Variants in FTSJ3 observed in about 807,000 individuals in gnomAD.
The protein encoded by FTSJ3 is FtsJ RNA 2'-O-methyltransferase 3.
Under a neutral mutation model 111.5 loss-of-function variants are expected in FTSJ3, and 46 were observed. That is an observed-to-expected ratio of 0.41 (90% CI 0.33 to 0.53). The LOEUF (loss-of-function observed/expected upper bound fraction) is 0.53, where lower values mean the gene tolerates loss of function less well. FTSJ3 is among the 20% of genes least tolerant of loss of function. The pLI, the probability that FTSJ3 is intolerant of heterozygous loss-of-function variation, is 0.19. For synonymous variants in FTSJ3, 408 were observed against 383.0 expected (o/e 1.07, Z -0.76); for missense variants, 1,075 against 1,063.8 (o/e 1.01, Z -0.15).
chr17:63,826,415 G>T, intron 3 of FTSJ3, 111 bp from the exon 4 acceptor site: 2 of 1,198,478 alleles, frequency 1.7e-6, no homozygotes, highest in Non-Finnish European at 2.5e-6. Flanking sequence ...TCATAGGCAC[G>T]TATTCCAAGC....
intron 13 of FTSJ3, among the ~76,000 whole-genome samples, chr17:63,822,433 C>T (rs1482830634): frequency 6.6e-6 from 1 of 152,146 alleles, no homozygotes; most frequent in African/African-American, 2.4e-5. Context: ...GTACCTACAG[C>T]CCACATAGCA....
Position 63,826,913 on chromosome 17 carries a change from G to T in FTSJ3, c.-11C>A. 13 of 1,611,830 alleles carry T rather than the reference G, an allele frequency of 8.1e-6. No homozygotes were observed. The highest frequency in any genetic ancestry group is 1.1e-5 in the Non-Finnish European group (13 of 1,177,984). The stretch of plus-strand genomic sequence containing the variant: ...GCCCTTCTTGCCCATGGTGGAAAGG[G>T]GGAGTATCCCTCAATCTGGGGAGAA... On this transcript the variant is annotated 5_prime_UTR_variant, in exon 2 of 21. Coordinates refer to ENST00000427159, the MANE Select transcript of FTSJ3 (RefSeq NM_017647.4).
rs889722732 is a variant in FTSJ3, at chr17:63,826,154, G to C, written c.221-19C>G. On this transcript the variant is annotated intron_variant, in intron 4 of 20. Transcript: ENST00000427159. ...TCCACTCCTGGAAGAAATCAGGTCA[G>C]AGTATTCTAAAAGGTTGCTTCAAGC... is the stretch of plus-strand genomic sequence containing the variant. 3.7e-6 allele frequency: 6 copies of C among 1,613,120 alleles called. No homozygotes were observed. The highest frequency in any genetic ancestry group is 2.7e-5 in the African/African-American group (2 of 74,908).
In FTSJ3 at chr17:63,826,547, CT is replaced by C; in HGVS notation, c.173+19del. The C allele has an allele frequency of 6.3e-7, 1 of 1,595,058 alleles. No individual in the cohort carries two copies. The highest frequency in any genetic ancestry group is 8.6e-7 in the Non-Finnish European group (1 of 1,163,148). ...CCAGAAAGCGGCCACCAGGAGCAACCTGTGGCGAGTGTTACGAACCATCCCC... is the reference window on the plus strand; with the variant it reads ...CCAGAAAGCGGCCACCAGGAGCAACCGTGGCGAGTGTTACGAACCATCCCC... On this transcript the variant is annotated intron_variant, in intron 3 of 20. Transcript: ENST00000427159.
chr17:63,822,544 C>A (rs2040061416), intron 13 of FTSJ3, among the ~76,000 whole-genome samples: 1 of 152,224 alleles, frequency 6.6e-6, no homozygotes, highest in Admixed American at 6.5e-5. Flanking sequence ...CAGTTTGTTT[C>A]CACTGAATAA....
Position 63,824,854 on chromosome 17 carries a change from G to T in FTSJ3, c.787C>A (p.Pro263Thr). 6.2e-7 allele frequency: 1 copy of T among 1,606,044 alleles called. No homozygotes were observed. Among genetic ancestry groups the T allele is most frequent in the East Asian group, 2.2e-5 (1 of 44,838 alleles). The change falls in exon 9 of 21, where the codon CCT becomes ACT. Residue 263 changes from proline to threonine, a missense_variant. Pro to Thr is a conservative substitution (Grantham distance 38). Around this residue, in one of 2 missense-constraint regions of FTSJ3, gnomAD observed 867 missense variants for 796.9 expected, o/e 1.09. Coordinates refer to ENST00000427159, the MANE Select transcript of FTSJ3 (RefSeq NM_017647.4). ...SVTDFLRAAN[P>T]VDFLSKASEI... ...CTGGCCTTGGAGAGGAAGTCAACAGGGTTGGCAGCTCGGAGGAAGTCAGTG... is the reference window on the plus strand; with the variant it reads ...CTGGCCTTGGAGAGGAAGTCAACAGTGTTGGCAGCTCGGAGGAAGTCAGTG...
In FTSJ3 at chr17:63,821,093, T is replaced by G; in HGVS notation, c.1909A>C (p.Lys637Gln). The G allele has an allele frequency of 1.9e-6, 3 of 1,614,136 alleles. No homozygotes were observed. Among genetic ancestry groups the G allele is most frequent in the South Asian group, 1.1e-5 (1 of 91,076 alleles). The change falls in exon 17 of 21, where the codon AAG (lysine) becomes CAG (glutamine). Residue 637 changes from lysine (K) to glutamine (Q), a missense_variant. Physicochemically the swap from Lys to Gln is moderately conservative, Grantham distance 53. Around this residue, in one of 2 missense-constraint regions of FTSJ3, gnomAD observed 867 missense variants for 796.9 expected, o/e 1.09. Coordinates refer to ENST00000427159, the MANE Select transcript of FTSJ3 (RefSeq NM_017647.4). The stretch of plus-strand genomic sequence containing the variant: ...TCTGACTTAGGCCCACGGCTTCGCT[T>G]CTTACCACGGAGGGGTTCCCAGCTG... ...EESWEPLRGK[K>Q]RSRGPKSDDD...
chr17:63,823,742 T>G, intron 13 of FTSJ3, 75 bp downstream of exon 13: 1 of 1,535,348 alleles, frequency 6.5e-7, no homozygotes, highest in East Asian at 2.3e-5. Flanking sequence ...TAAAAAGACA[T>G]TCAACACCCC....
rs1386758275 is a variant in FTSJ3, at chr17:63,824,952, C to T, written c.712-23G>A. Reference sequence around the variant, plus strand: ...AGCCTTAGGAAGGAAAAGAGAGAAGCTTGGTCAGGCCCTTCTAAGGTACCT... The same window carrying T: ...AGCCTTAGGAAGGAAAAGAGAGAAGTTTGGTCAGGCCCTTCTAAGGTACCT... On this transcript the variant is annotated intron_variant, in intron 8 of 20. Coordinates refer to ENST00000427159, the MANE Select transcript of FTSJ3 (RefSeq NM_017647.4). The T allele has an allele frequency of 3.2e-6, 5 of 1,574,952 alleles. No individual in the cohort carries two copies. In the African/African-American group the frequency reaches 5.4e-5, roughly 17 times the overall value.
rs760473626 is a variant in FTSJ3 at position 63,824,149 on chromosome 17, CTCCTCT to C, written c.1083_1088del (p.Glu365_Glu366del). 64 of 1,613,834 alleles carry C rather than the reference CTCCTCT, an allele frequency of 4.0e-5. No individual in the cohort carries two copies. The highest frequency in any genetic ancestry group is 5.3e-5 in the Non-Finnish European group (63 of 1,179,980). ...AGGTCTGGTTCAGTTGTTCCTCCTC[CTCCTCT>C]TCCTCCTCCTCCTTAGAGGGCTGCT... On this transcript the variant is annotated inframe_deletion, in exon 12 of 21. Transcript: ENST00000427159.
At chr17:63,826,363 T>A (rs952527418) in intron 3 of FTSJ3, 59 bp from the exon 4 acceptor site, 2 of 1,506,818 alleles carry the variant, frequency 1.3e-6, no homozygotes, top group Admixed American at 1.7e-5. Context: ...TCTTGGCAAC[T>A]GATCTCTCAT....
chr17:63,821,937 CT>C (rs1196281469), intron 14 of FTSJ3, 46 bp downstream of exon 14: 1 of 1,612,364 alleles, frequency 6.2e-7, no homozygotes. Flanking sequence ...CACCCTAACA[CT>C]TCCTCAGAGT....
Position 63,821,105 on chromosome 17 carries a change from G to T in FTSJ3, c.1897C>A (p.Leu633Ile). ...CCACGGCTTCGCTTCTTACCACGGA[G>T]GGGTTCCCAGCTGTGAAGAGGGGAG... is the stretch of plus-strand genomic sequence containing the variant. The part of the protein sequence containing the change: ...SSEEEESWEP[L>I]RGKKRSRGPK... Residue 633 changes from leucine (L) to isoleucine (I), a missense_variant, in exon 17 of 21, where the codon CTC becomes ATC. By Grantham distance (5) the Leu-to-Ile change is conservative (BLOSUM62 2). This residue lies in a region of FTSJ3 where 867 missense variants were observed against 796.9 expected (regional missense o/e 1.09). Transcript: ENST00000427159. 1.9e-6 allele frequency: 3 copies of T among 1,614,140 alleles called. No homozygotes were observed. Among genetic ancestry groups the T allele is most frequent in the Non-Finnish European group, 2.5e-6 (3 of 1,180,028 alleles).
In FTSJ3 at chr17:63,827,629, C is replaced by CCAGT. The variant is rs578071676; in HGVS notation, c.-608_-605dup. On this transcript the variant is annotated 5_prime_UTR_variant, in exon 1 of 21. An upstream open reading frame in the 5' UTR gains an earlier in-frame stop. Coordinates refer to ENST00000427159, the MANE Select transcript of FTSJ3 (RefSeq NM_017647.4). ...GTCGGGTGGGTCGGAGGTGCCTGGA[C>CCAGT]CAGTCCATGCTGGACGCTGCCTGCG... 2.4e-4 allele frequency: 366 copies of CCAGT among 1,543,442 alleles called. 2 individuals carry two copies. In the African/African-American group the frequency reaches 4.7e-3, roughly 20 times the overall value.
intron 10 of FTSJ3, 42 bp from the exon 11 acceptor site, chr17:63,824,453 T>C (rs1041413755): frequency 8.1e-6 from 13 of 1,601,266 alleles, no homozygotes; most frequent in Non-Finnish European, 1.1e-5. Flanking sequence ...ATCTCCCTCT[T>C]TGTCCCCGCC....
At position 63,824,675 on chromosome 17, in the gene FTSJ3, G is replaced by C; in HGVS notation, c.879C>G (p.Cys293Trp). ...GCCCCAACACTCTGATGTCCTGACA[G>C]CACACCCGTATGTCCTCAGTGGTAG... ...HPATTEDIRV[C>W]CQDIRVLGRK... The change falls in exon 10 of 21, where the codon TGC becomes TGG. Residue 293 changes from cysteine (C) to tryptophan (W), a missense_variant. By Grantham distance (215) the Cys-to-Trp change is radical (BLOSUM62 -2). Coordinates refer to ENST00000427159, the MANE Select transcript of FTSJ3 (RefSeq NM_017647.4). 1.9e-6 allele frequency: 3 copies of C among 1,614,114 alleles called. No homozygotes were observed. The highest frequency in any genetic ancestry group is 2.5e-6 in the Non-Finnish European group (3 of 1,179,964).
chr17:63,819,660 A>G lies in FTSJ3; in HGVS notation c.*142T>C. The G allele has an allele frequency of 1.4e-6, 1 of 737,800 alleles. No homozygotes were observed. The highest frequency in any genetic ancestry group is 2.2e-6 in the Non-Finnish European group (1 of 452,220). 45.7% of individuals were successfully genotyped at this position (737,800 alleles called of 1,614,324 possible). On this transcript the variant is annotated 3_prime_UTR_variant, in exon 21 of 21. Coordinates refer to ENST00000427159, the MANE Select transcript of FTSJ3 (RefSeq NM_017647.4). Reference sequence around the variant, plus strand: ...CCTCTCTGCTCAGGACCACCACGGGAGTTCTAGGCACTCCACCTCACTGTT... The same window carrying G: ...CCTCTCTGCTCAGGACCACCACGGGGGTTCTAGGCACTCCACCTCACTGTT...
intron 13 of FTSJ3, 131 bp from the exon 14 acceptor site, chr17:63,822,299 A>T: frequency 1.3e-6 from 1 of 746,312 alleles, no homozygotes; most frequent in South Asian, 1.8e-5. Flanking sequence ...CCTTTCACAG[A>T]TGGGAAAGCT....
Position 63,824,939 on chromosome 17 carries a change from G to A in FTSJ3, c.712-10C>T. On this transcript the variant is annotated splice_polypyrimidine_tract_variant and intron_variant, in intron 8 of 20. Coordinates refer to ENST00000427159, the MANE Select transcript of FTSJ3 (RefSeq NM_017647.4). ...CAGCATAGCCTTCAGCCTTAGGAAG[G>A]AAAAGAGAGAAGCTTGGTCAGGCCC... 1.3e-6 allele frequency: 2 copies of A among 1,576,162 alleles called. No homozygotes were observed. Among genetic ancestry groups the A allele is most frequent in the South Asian group, 1.2e-5 (1 of 85,444 alleles).
Sources: gnomAD v4.1 joint callset for allele counts (sites outside exome capture counted in the v4.1 genomes callset) on GRCh38, gnomAD v4.1.1 for gene constraint, gnomAD v4.1.1 regional missense constraint, MANE v1.5 for transcripts, NCBI Gene and HGNC (gene_info 2026-07-23, HGNC 2026-07-21) for gene names.